GMPR: variants seen among roughly 807,000 people sequenced by gnomAD.
GMPR encodes the protein GMP reductase 1.
GMPR carries 31 observed loss-of-function variants against 38.4 expected under a neutral mutation model. The ratio of observed to expected loss-of-function variants is 0.81; its 90% confidence interval spans 0.61 to 1.09. GMPR has a LOEUF of 1.09. GMPR is among the 50% of genes least tolerant of loss of function. The probability of loss-of-function intolerance (pLI) is 0.00; values close to 1 mark genes in which losing one functional copy is unlikely to be tolerated. For synonymous variants in GMPR, 162 were observed against 173.3 expected (o/e 0.93, Z 0.51); for missense variants, 468 against 453.7 (o/e 1.03, Z -0.29).
chr6:16,252,757 A>C (rs1378799316), intron 3 of GMPR, among the ~76,000 whole-genome samples: 1 of 152,238 alleles, frequency 6.6e-6, no homozygotes. Flanking sequence ...AGATAAAAAA[A>C]GCAGAGCTCT....
rs565942882 is a variant in GMPR at position 16,274,616 on chromosome 6, C to G, written c.547+120C>G. 3.3e-5 allele frequency: 21 copies of G among 631,864 alleles called. No individual in the cohort carries two copies. The East Asian group carries it at 5.7e-4, about 17-fold the overall frequency. 39.1% of individuals were successfully genotyped at this position (631,864 alleles called of 1,614,324 possible). ...ATGACTCATTCACAGATATTTAAAG[C>G]ATGCTTTTTCTGGAAGCATAATTGA... On this transcript the variant is annotated intron_variant, in intron 5 of 8. Transcript: ENST00000259727.
chr6:16,266,938 C>T (rs1430615913), intron 4 of GMPR, among the ~76,000 whole-genome samples: 2 of 151,698 alleles, frequency 1.3e-5, no homozygotes, highest in African/African-American at 2.4e-5. Flanking sequence ...CTGCAAAGGT[C>T]TGCGGCTTCA....
intron 4 of GMPR, among the ~76,000 whole-genome samples, chr6:16,273,811 ATTTTTTT>A (rs772416416): frequency 3.5e-5 from 4 of 112,834 alleles, no homozygotes; most frequent in Non-Finnish European, 7.0e-5. Flanking sequence ...TCCCTCTAAG[ATTTTTTT>A]TTTTTTTTTT....
chr6:16,272,613 T>A (rs981037951), intron 4 of GMPR, among the ~76,000 whole-genome samples: 1 of 152,232 alleles, frequency 6.6e-6, no homozygotes, highest in Non-Finnish European at 1.5e-5. Context: ...TTGAACACTT[T>A]CCGTTTTTCT....
chr6:16,286,887 CAG>C (rs1463752517), intron 7 of GMPR, among the ~76,000 whole-genome samples: 2 of 152,010 alleles, frequency 1.3e-5, no homozygotes, highest in South Asian at 2.1e-4. Flanking sequence ...GCCTGGGTGA[CAG>C]AGTGACCCTG....
chr6:16,238,839 C>T, intron 1 of GMPR, 59 bp downstream of exon 1: 2 of 926,208 alleles, frequency 2.2e-6, no homozygotes, highest in Admixed American at 2.6e-5. Flanking sequence ...TGGCGCGGGG[C>T]AAGTGGGTGG....
chr6:16,238,955 G>A (rs1177803328), intron 1 of GMPR, among the ~76,000 whole-genome samples, 175 bp downstream of exon 1: 7 of 152,134 alleles, frequency 4.6e-5, no homozygotes, highest in African/African-American at 1.7e-4. Flanking sequence ...GTGTCTTTAA[G>A]GGCGGTGATA....
intron 4 of GMPR, among the ~76,000 whole-genome samples, chr6:16,261,472 G>A (rs1357634918): frequency 1.3e-5 from 2 of 152,096 alleles, no homozygotes; most frequent in African/African-American, 4.8e-5. Context: ...AAGAAAGCAT[G>A]TTTGAGATCC....
At chr6:16,294,665 T>C (rs930670857) in intron 8 of GMPR, among the ~76,000 whole-genome samples, 1 of 152,144 alleles carries the variant, frequency 6.6e-6, no homozygotes, top group Non-Finnish European at 1.5e-5. Flanking sequence ...TGGTTTCTGT[T>C]AGCAGCAGAG....
chr6:16,278,328 G>C (rs1228352061), intron 5 of GMPR, among the ~76,000 whole-genome samples: 1 of 152,208 alleles, frequency 6.6e-6, no homozygotes, highest in Non-Finnish European at 1.5e-5. Context: ...CGGGCAGTGA[G>C]GCTTAAGAGA....
chr6:16,274,694 C>T (rs1759445801), intron 5 of GMPR, among the ~76,000 whole-genome samples, 198 bp downstream of exon 5: 1 of 151,806 alleles, frequency 6.6e-6, no homozygotes, highest in Non-Finnish European at 1.5e-5. Flanking sequence ...TTTTTGATGC[C>T]CCCAGGGATT....
intron 1 of GMPR, among the ~76,000 whole-genome samples, chr6:16,240,980 G>A (rs992338611): frequency 6.6e-6 from 1 of 151,986 alleles, no homozygotes; most frequent in South Asian, 2.1e-4. Context: ...TACTTGCCTC[G>A]GTGGCGTTGA....
rs183091325 is a variant in GMPR at position 16,266,629 on chromosome 6, C to T, written c.466-7786C>T. Among the ~76,000 whole-genome samples, 838 of 149,418 alleles carry T rather than the reference C, an allele frequency of 5.6e-3. 8 individuals carry two copies. The highest frequency in any genetic ancestry group is 0.019 in the African/African-American group (764 of 40,722). Reference sequence around the variant, plus strand: ...CATCCTGGCTAACACGGTGAAACCCCATCTCTACTAAAAGTACAAAAAAAA... The same window carrying T: ...CATCCTGGCTAACACGGTGAAACCCTATCTCTACTAAAAGTACAAAAAAAA... On this transcript the variant is annotated intron_variant, in intron 4 of 8. Coordinates refer to ENST00000259727, the MANE Select transcript of GMPR (RefSeq NM_006877.4).
chr6:16,255,363 A>G (rs1758953201), intron 4 of GMPR, among the ~76,000 whole-genome samples: 1 of 152,150 alleles, frequency 6.6e-6, no homozygotes, highest in African/African-American at 2.4e-5. Flanking sequence ...CAGAGAGTGT[A>G]TTTTAAGATT....
intron 7 of GMPR, chr6:16,290,181 GTAGT>G (rs1264093237): frequency 6.2e-6 from 2 of 325,158 alleles, no homozygotes; most frequent in Non-Finnish European, 1.2e-5. Context: ...GAAGGTGGTC[GTAGT>G]TAGCCATTAA....
At position 16,254,542 on chromosome 6, in the gene GMPR, C is replaced by T; in HGVS notation, c.292-20C>T. 6.2e-7 allele frequency: 1 copy of T among 1,609,596 alleles called. No individual in the cohort carries two copies. Among genetic ancestry groups the T allele is most frequent in the East Asian group, 2.2e-5 (1 of 44,828 alleles). ...GAATGCTACTGTTTATGCCTGTCTT[C>T]TTGGTTTATTTTGGTGCAGAATGTA... is the stretch of plus-strand genomic sequence containing the variant. On this transcript the variant is annotated intron_variant, in intron 3 of 8. Coordinates refer to ENST00000259727, the MANE Select transcript of GMPR (RefSeq NM_006877.4).
chr6:16,267,910 A>G lies in GMPR; in HGVS notation c.466-6505A>G, dbSNP rs550269862. Among the ~76,000 whole-genome samples, 84 of 152,310 alleles carry G rather than the reference A, an allele frequency of 5.5e-4. 2 individuals are homozygous for G. The highest frequency in any genetic ancestry group is 1.8e-3 in the African/African-American group (76 of 41,562). The stretch of plus-strand genomic sequence containing the variant: ...TGGATCTCCAGGGCGGGACCCTGAC[A>G]TTTCCATGCATGACTGATGGCTCAT... On this transcript the variant is annotated intron_variant, in intron 4 of 8. Transcript: ENST00000259727.
intron 4 of GMPR, among the ~76,000 whole-genome samples, chr6:16,268,984 C>T (rs769352895): frequency 4.0e-5 from 6 of 150,150 alleles, no homozygotes; most frequent in African/African-American, 9.8e-5. Flanking sequence ...AGTCCCTTCA[C>T]GAAAAAAATA....
chr6:16,240,609 C>G (rs1028891327), intron 1 of GMPR, among the ~76,000 whole-genome samples: 1 of 152,236 alleles, frequency 6.6e-6, no homozygotes, highest in Non-Finnish European at 1.5e-5. Context: ...GCACTTCAGC[C>G]TGGACAACCC....
Sources: gnomAD v4.1 joint callset for allele counts (sites outside exome capture counted in the v4.1 genomes callset) on GRCh38, gnomAD v4.1.1 for gene constraint, MANE v1.5 for transcripts, NCBI Gene and HGNC (gene_info 2026-07-23, HGNC 2026-07-21) for gene names.